EBF1: variants seen among roughly 807,000 people sequenced by gnomAD.
EBF1 encodes transcription factor COE1.
In EBF1, 10 loss-of-function variants were observed where a neutral mutation model predicts 68.4. The ratio of observed to expected loss-of-function variants is 0.15; its 90% CI spans 0.09 to 0.25. The LOEUF (loss-of-function observed/expected upper bound fraction) is 0.25, where lower values mean the gene tolerates loss of function less well. Ranked by LOEUF, EBF1 falls within the 10% of genes least tolerant of loss-of-function variation. EBF1 has a pLI of 1.00. For synonymous variants in EBF1, 298 were observed against 299.8 expected (o/e 0.99, Z 0.06); for missense variants, 509 against 794.4 (o/e 0.64, Z 4.32).
At chr5:158,936,585 C>T (rs201316920) in intron 6 of EBF1, among the ~76,000 whole-genome samples, 2 of 152,196 alleles carry the variant, frequency 1.3e-5, no homozygotes, top group Admixed American at 1.3e-4. Flanking sequence ...TGTCCCTTCC[C>T]ACATTTGCAA....
At chr5:158,722,374 G>T (rs1332150974) in intron 11 of EBF1, among the ~76,000 whole-genome samples, 1 of 152,164 alleles carries the variant, frequency 6.6e-6, no homozygotes, top group Non-Finnish European at 1.5e-5. Flanking sequence ...TTGTCTTTTG[G>T]CTGTGGCTTC....
At chr5:158,984,238 T>G (rs569141096) in intron 6 of EBF1, among the ~76,000 whole-genome samples, 1 of 152,170 alleles carries the variant, frequency 6.6e-6, no homozygotes, top group Admixed American at 6.5e-5. Flanking sequence ...AATGTTAAGA[T>G]TCTCACCTGA....
intron 6 of EBF1, among the ~76,000 whole-genome samples, chr5:158,979,790 G>A (rs1561692949): frequency 6.6e-6 from 1 of 152,046 alleles, no homozygotes; most frequent in Admixed American, 6.6e-5. Context: ...AAAGTGAAGA[G>A]AAGGCAGTAA....
At chr5:158,921,432 T>C (rs1460224526) in intron 6 of EBF1, among the ~76,000 whole-genome samples, 1 of 152,220 alleles carries the variant, frequency 6.6e-6, no homozygotes, top group Non-Finnish European at 1.5e-5. Flanking sequence ...CATCTGCTCC[T>C]ATGGTTCCAA....
intron 8 of EBF1, among the ~76,000 whole-genome samples, chr5:158,812,367 T>TGGA (rs892787563): frequency 6.6e-6 from 1 of 152,180 alleles, no homozygotes; most frequent in African/African-American, 2.4e-5. Context: ...GGTGGCTACG[T>TGGA]GGAGTCCCAT....
intron 7 of EBF1, among the ~76,000 whole-genome samples, chr5:158,824,542 G>T (rs1785603332): frequency 6.6e-6 from 1 of 152,244 alleles, no homozygotes; most frequent in Non-Finnish European, 1.5e-5. Flanking sequence ...TGCTTGGAAA[G>T]ACTCTCGCTT....
rs143050924 is a variant in EBF1 at position 158,792,392 on chromosome 5, C to A, written c.909+3953G>T. On this transcript the variant is annotated intron_variant, in intron 9 of 15. Coordinates refer to ENST00000313708, the MANE Select transcript of EBF1 (RefSeq NM_024007.5). Reference sequence around the variant, plus strand: ...TTCTTCCCACCCCTCAGGGGGTGATCCATGAGCTAAACTGAACTACTCATT... The same window carrying A: ...TTCTTCCCACCCCTCAGGGGGTGATACATGAGCTAAACTGAACTACTCATT... 1.6e-4 allele frequency among the ~76,000 whole-genome samples: 25 copies of A among 152,258 alleles called. No homozygotes were observed. In the East Asian group the frequency reaches 2.9e-3, roughly 18 times the overall value.
chr5:158,866,639 T>TTAATA (rs1795912604), intron 6 of EBF1, among the ~76,000 whole-genome samples: 1 of 151,786 alleles, frequency 6.6e-6, no homozygotes, highest in Admixed American at 6.6e-5. Flanking sequence ...CACGTCACTT[T>TTAATA]TAATAAGTCA....
intron 11 of EBF1, among the ~76,000 whole-genome samples, chr5:158,726,697 C>G (rs887393723): frequency 3.9e-5 from 6 of 152,176 alleles, no homozygotes; most frequent in African/African-American, 1.4e-4. Context: ...TGAGAGAAAG[C>G]TGGTGAGAAT....
At chr5:159,045,757 T>C (rs1046165749) in intron 6 of EBF1, among the ~76,000 whole-genome samples, 2 of 152,198 alleles carry the variant, frequency 1.3e-5, no homozygotes, top group Admixed American at 1.3e-4. Flanking sequence ...CCAATTTCTA[T>C]TGAAACTGCA....
At chr5:158,975,023 G>A (rs897116511) in intron 6 of EBF1, among the ~76,000 whole-genome samples, 2 of 152,158 alleles carry the variant, frequency 1.3e-5, no homozygotes, top group Admixed American at 6.5e-5. Context: ...AATGGGTACT[G>A]TCTAATGTTC....
At chr5:158,917,552 G>T (rs1294248566) in intron 6 of EBF1, among the ~76,000 whole-genome samples, 1 of 152,158 alleles carries the variant, frequency 6.6e-6, no homozygotes. Flanking sequence ...CTTGTTAGTG[G>T]TTATGTATTT....
chr5:158,727,179 G>T (rs1763168857), intron 11 of EBF1, among the ~76,000 whole-genome samples: 1 of 152,186 alleles, frequency 6.6e-6, no homozygotes, highest in Non-Finnish European at 1.5e-5. Context: ...ATAATGCAGT[G>T]CTGGGCTCAC....
At chr5:158,738,646 T>C (rs1307273470) in intron 10 of EBF1, among the ~76,000 whole-genome samples, 1 of 152,294 alleles carries the variant, frequency 6.6e-6, no homozygotes, top group East Asian at 1.9e-4. Context: ...TTGACGTAAA[T>C]GTTAAAAATT....
intron 10 of EBF1, among the ~76,000 whole-genome samples, chr5:158,765,763 G>A (rs970711110): frequency 6.6e-6 from 1 of 152,128 alleles, no homozygotes; most frequent in African/African-American, 2.4e-5. Flanking sequence ...TGATATTAAT[G>A]GGATGGTTTC....
intron 6 of EBF1, among the ~76,000 whole-genome samples, chr5:159,000,191 A>G (rs1169695564): frequency 6.6e-6 from 1 of 152,194 alleles, no homozygotes; most frequent in Non-Finnish European, 1.5e-5. Context: ...ACACACACAC[A>G]AACACAAAGC....
At chr5:158,913,675 G>A (rs1403975657) in intron 6 of EBF1, among the ~76,000 whole-genome samples, 4 of 152,178 alleles carry the variant, frequency 2.6e-5, no homozygotes, top group Non-Finnish European at 5.9e-5. Flanking sequence ...TATGGGTTTG[G>A]CAAGGCAGGG....
At chr5:158,808,979 C>T (rs1411891732) in intron 8 of EBF1, among the ~76,000 whole-genome samples, 2 of 152,142 alleles carry the variant, frequency 1.3e-5, no homozygotes, top group Admixed American at 6.5e-5. Context: ...GTGAACTCTT[C>T]CTATCTTTCC....
chr5:159,009,525 A>T (rs1029827451), intron 6 of EBF1, among the ~76,000 whole-genome samples: 10 of 152,218 alleles, frequency 6.6e-5, no homozygotes, highest in African/African-American at 2.4e-4. Flanking sequence ...TAGAGTGAGA[A>T]TTCATACTAT....
Sources: allele counts gnomAD v4.1 joint callset (sites outside exome capture counted in the v4.1 genomes callset), GRCh38; gene constraint gnomAD v4.1.1; transcripts MANE v1.5; gene names NCBI Gene and HGNC (gene_info 2026-07-23, HGNC 2026-07-21).